The following NHEJ1 variants were observed in gnomAD, a reference collection of about 807,000 sequenced individuals.
NHEJ1 encodes the protein non-homologous end-joining factor 1.
NHEJ1 carries 22 observed loss-of-function variants against 39.4 expected under a neutral mutation model. The observed-to-expected ratio is 0.56, with a 90% CI of 0.40 to 0.80. The LOEUF (loss-of-function observed/expected upper bound fraction) is 0.80. Among genes scored for constraint, NHEJ1 ranks in the 30% least tolerant of loss-of-function variants. NHEJ1 has a pLI of 0.00. For synonymous variants in NHEJ1, 154 were observed against 135.6 expected, an observed-to-expected ratio of 1.14 and a Z score of -0.94; for missense variants, 329 against 357.1, an observed-to-expected ratio of 0.92 and a Z score of 0.63.
At chr2:219,116,505 C>T (rs1449364240) in intron 5 of NHEJ1, among the ~76,000 whole-genome samples, 2 of 152,050 alleles carry the variant, frequency 1.3e-5, no homozygotes, top group Non-Finnish European at 1.5e-5. Flanking sequence ...TACAGACATG[C>T]ACCACCACAC....
intron 5 of NHEJ1, among the ~76,000 whole-genome samples, chr2:219,081,786 T>C (rs1949069730): frequency 1.3e-5 from 2 of 152,176 alleles, no homozygotes; most frequent in South Asian, 2.1e-4. Flanking sequence ...ACACAAGAGT[T>C]CTGCAAAAAG....
chr2:219,143,776 A>G (rs1349529492), intron 5 of NHEJ1, among the ~76,000 whole-genome samples: 1 of 152,196 alleles, frequency 6.6e-6, no homozygotes, highest in Non-Finnish European at 1.5e-5. Context: ...TTTCTCATTC[A>G]ATTCCGCAGG....
At chr2:219,118,631 G>A (rs1185937868) in intron 5 of NHEJ1, among the ~76,000 whole-genome samples, 4 of 152,200 alleles carry the variant, frequency 2.6e-5, no homozygotes, top group African/African-American at 9.6e-5. Flanking sequence ...TGCCCATAAA[G>A]CCGTATCAAA....
intron 5 of NHEJ1, among the ~76,000 whole-genome samples, chr2:219,112,578 T>C (rs1949375606): frequency 6.6e-6 from 1 of 152,102 alleles, no homozygotes; most frequent in South Asian, 2.1e-4. Flanking sequence ...CCTTCTCTTG[T>C]TGCAGGATAA....
At chr2:219,140,407 G>A (rs1325686513) in intron 5 of NHEJ1, among the ~76,000 whole-genome samples, 1 of 152,220 alleles carries the variant, frequency 6.6e-6, no homozygotes, top group Non-Finnish European at 1.5e-5. Flanking sequence ...AGGCCAGGAG[G>A]GGGTAGGAGT....
intron 5 of NHEJ1, among the ~76,000 whole-genome samples, chr2:219,139,337 C>T (rs147454367): frequency 0.014 from 2,179 of 152,310 alleles, 50 homozygotes; most frequent in African/African-American, 0.047. Flanking sequence ...ATCTGCCCGC[C>T]TCAGCCTCCA....
At chr2:219,115,807 GA>G (rs1949409149) in intron 5 of NHEJ1, among the ~76,000 whole-genome samples, 1 of 152,110 alleles carries the variant, frequency 6.6e-6, no homozygotes, top group Non-Finnish European at 1.5e-5. Flanking sequence ...GACCCCATAA[GA>G]AAAAGATGTT....
At chr2:219,092,294 A>C (rs1269568428) in intron 5 of NHEJ1, among the ~76,000 whole-genome samples, 2 of 130,770 alleles carry the variant, frequency 1.5e-5, no homozygotes, top group Non-Finnish European at 3.1e-5. Context: ...ACACTGCCTC[A>C]AAAAAAAAAA....
intron 1 of NHEJ1, 67 bp from the exon 2 acceptor site, chr2:219,158,429 A>T (rs1949879234): frequency 6.8e-7 from 1 of 1,471,324 alleles, no homozygotes. Flanking sequence ...GCACCACCCA[A>T]ACCAGTCTGT....
At chr2:219,147,835 T>A (rs111985333) in intron 3 of NHEJ1, 40 bp from the exon 4 acceptor site, 26 of 1,608,620 alleles carry the variant, frequency 1.6e-5, no homozygotes, top group Non-Finnish European at 2.0e-5. Context: ...AAGACTCTTA[T>A]AAAGTACTTT....
In NHEJ1 at chr2:219,159,576, C is replaced by CATATATATATATATGCAT. The variant is rs72363387; in HGVS notation, c.-1+1143_-1+1144insATGCATATATATATATAT. 1.3e-4 allele frequency among the ~76,000 whole-genome samples: 9 copies of CATATATATATATATGCAT among 68,974 alleles called. 2 individuals are homozygous for CATATATATATATATGCAT. The highest frequency in any genetic ancestry group is 3.2e-4 in the African/African-American group (4 of 12,352). The allele number at this position is 68,974 out of a possible 152,430, so 45.2% of individuals were successfully genotyped here. A position where few individuals can be genotyped will look rare whatever the true frequency, so the allele number is the denominator to read the frequency against. On this transcript the variant is annotated intron_variant, in intron 1 of 7. Transcript: ENST00000356853. Reference sequence around the variant, plus strand: ...GCATATATATATGCATATATATATGCATATATATATGCATATATATATATG... The same window carrying CATATATATATATATGCAT: ...GCATATATATATGCATATATATATGCATATATATATATATGCATATATATATATGCATATATATATATG...
At chr2:219,155,257 T>A (rs1949842146) in intron 3 of NHEJ1, among the ~76,000 whole-genome samples, 1 of 151,572 alleles carries the variant, frequency 6.6e-6, no homozygotes, top group Non-Finnish European at 1.5e-5. Context: ...CTTAGAAAGT[T>A]GAAATGTTTT....
intron 5 of NHEJ1, among the ~76,000 whole-genome samples, chr2:219,096,152 G>A (rs1211020266): frequency 6.6e-6 from 1 of 152,148 alleles, no homozygotes; most frequent in African/African-American, 2.4e-5. Context: ...TGCTATTTAC[G>A]TATTTTTTAA....
intron 5 of NHEJ1, among the ~76,000 whole-genome samples, chr2:219,081,423 G>A (rs1279513064): frequency 1.3e-5 from 2 of 152,152 alleles, no homozygotes; most frequent in African/African-American, 2.4e-5. Context: ...GCCACAATGC[G>A]GGTCACTGCC....
chr2:219,115,850 G>A (rs780585683), intron 5 of NHEJ1, among the ~76,000 whole-genome samples: 12 of 152,130 alleles, frequency 7.9e-5, no homozygotes, highest in Non-Finnish European at 1.6e-4. Context: ...GGCCTGGCCC[G>A]GTGGCTCACA....
intron 5 of NHEJ1, among the ~76,000 whole-genome samples, chr2:219,136,634 G>A (rs541768605): frequency 6.6e-6 from 1 of 151,892 alleles, no homozygotes; most frequent in Admixed American, 6.6e-5. Context: ...ATGGAGTCTT[G>A]CTCTGTTGCC....
intron 5 of NHEJ1, among the ~76,000 whole-genome samples, chr2:219,113,345 C>T (rs1170499745): frequency 6.6e-6 from 1 of 151,800 alleles, no homozygotes; most frequent in Non-Finnish European, 1.5e-5. Context: ...AAACTCAAAA[C>T]AAATTGAGGA....
At chr2:219,120,999 C>G (rs1037744185) in intron 5 of NHEJ1, among the ~76,000 whole-genome samples, 1 of 152,082 alleles carries the variant, frequency 6.6e-6, no homozygotes, top group Non-Finnish European at 1.5e-5. Context: ...GAGTTCAAGA[C>G]CAGCCTGACC....
At chr2:219,093,593 C>T (rs1199819763) in intron 5 of NHEJ1, among the ~76,000 whole-genome samples, 1 of 152,112 alleles carries the variant, frequency 6.6e-6, no homozygotes, top group African/African-American at 2.4e-5. Context: ...AACAGAATGA[C>T]CTTCCAGGCC....
Sources: gnomAD v4.1 joint callset for allele counts (sites outside exome capture counted in the v4.1 genomes callset) on GRCh38, gnomAD v4.1.1 for gene constraint, MANE v1.5 for transcripts, NCBI Gene and HGNC (gene_info 2026-07-23, HGNC 2026-07-21) for gene names.